Variants in CPNE8 observed in about 807,000 individuals in gnomAD.
The protein encoded by CPNE8 is copine-8.
A neutral mutation model predicts 81.5 loss-of-function variants in CPNE8; 45 were observed. The observed-to-expected ratio is 0.55, with a 90% CI of 0.44 to 0.71. The LOEUF (loss-of-function observed/expected upper bound fraction) is 0.71, where lower values mean the gene tolerates loss of function less well. CPNE8 is among the 30% of genes least tolerant of loss of function. The pLI is 0.00. For synonymous variants in CPNE8, 252 were observed against 226.3 expected, an observed-to-expected ratio of 1.11 and a Z score of -1.02; for missense variants, 594 against 672.1, an observed-to-expected ratio of 0.88 and a Z score of 1.28.
chr12:38,819,766 C>CAAAAAAA (rs71068584), intron 6 of CPNE8, among the ~76,000 whole-genome samples: 1 of 65,306 alleles, frequency 1.5e-5, no homozygotes, highest in African/African-American at 6.0e-5. Flanking sequence ...GACTCCGTCT[C>CAAAAAAA]AAAAAAAAAA....
At chr12:38,894,659 CTCT>C (rs1944361712) in intron 1 of CPNE8, among the ~76,000 whole-genome samples, 1 of 5,566 alleles carries the variant, frequency 1.8e-4, no homozygotes, top group African/African-American at 7.2e-4. Flanking sequence ...CTCCAGCTCA[CTCT>C]CTCTCTCTCT....
intron 15 of CPNE8, among the ~76,000 whole-genome samples, chr12:38,687,969 C>A (rs182535106): frequency 1.3e-5 from 2 of 152,206 alleles, no homozygotes; most frequent in Admixed American, 1.3e-4. Flanking sequence ...TTAATCTGAG[C>A]CGACCTATTT....
intron 6 of CPNE8, among the ~76,000 whole-genome samples, chr12:38,812,644 A>G (rs1191468206): frequency 2.6e-5 from 4 of 152,118 alleles, no homozygotes; most frequent in African/African-American, 4.8e-5. Context: ...ACATGGCCAA[A>G]CCATATCAGT....
At chr12:38,798,154 A>G (rs564348201) in intron 6 of CPNE8, among the ~76,000 whole-genome samples, 3 of 152,318 alleles carry the variant, frequency 2.0e-5, no homozygotes, top group East Asian at 1.9e-4. Context: ...AACTTCCCCA[A>G]TCTAGCAAGG....
intron 8 of CPNE8, among the ~76,000 whole-genome samples, chr12:38,766,643 T>C (rs922254478): frequency 6.6e-6 from 1 of 152,042 alleles, no homozygotes; most frequent in Admixed American, 6.6e-5. Flanking sequence ...TTGATACTTA[T>C]TATATAACAA....
At chr12:38,658,244 G>A (rs1202807957) in intron 19 of CPNE8, among the ~76,000 whole-genome samples, 2 of 152,124 alleles carry the variant, frequency 1.3e-5, no homozygotes, top group South Asian at 2.1e-4. Flanking sequence ...TGAGAACTAC[G>A]TGATGCATGC....
chr12:38,902,817 A>C (rs1944510081), intron 1 of CPNE8, among the ~76,000 whole-genome samples: 1 of 152,222 alleles, frequency 6.6e-6, no homozygotes, highest in Non-Finnish European at 1.5e-5. Flanking sequence ...CCAGTATTAT[A>C]ATAATAGCTA....
chr12:38,733,978 C>T (rs911690181), intron 10 of CPNE8, among the ~76,000 whole-genome samples: 4 of 151,544 alleles, frequency 2.6e-5, no homozygotes, highest in East Asian at 3.9e-4. Flanking sequence ...TACTCTACAG[C>T]TCAGCTATGA....
intron 1 of CPNE8, among the ~76,000 whole-genome samples, chr12:38,879,438 A>G (rs1375371580): frequency 6.6e-6 from 1 of 152,126 alleles, no homozygotes; most frequent in Non-Finnish European, 1.5e-5. Flanking sequence ...TAAGGAAAAA[A>G]TCCTGCAATA....
At chr12:38,872,431 G>A (rs960658798) in intron 3 of CPNE8, among the ~76,000 whole-genome samples, 1 of 152,170 alleles carries the variant, frequency 6.6e-6, no homozygotes, top group African/African-American at 2.4e-5. Context: ...ACTATAGGCA[G>A]ATGGAAATGC....
At chr12:38,673,028 C>T (rs1296010307) in intron 18 of CPNE8, among the ~76,000 whole-genome samples, 1 of 152,018 alleles carries the variant, frequency 6.6e-6, no homozygotes, top group African/African-American at 2.4e-5. Flanking sequence ...ACCTGTAATC[C>T]CCACATGTAG....
intron 10 of CPNE8, among the ~76,000 whole-genome samples, chr12:38,732,451 G>A (rs2136769077): frequency 6.6e-6 from 1 of 152,022 alleles, no homozygotes; most frequent in African/African-American, 2.4e-5. Context: ...GTTCTCTTTT[G>A]TTCTAGTTAA....
intron 18 of CPNE8, among the ~76,000 whole-genome samples, chr12:38,673,261 T>C (rs1204401811): frequency 6.6e-6 from 1 of 152,218 alleles, no homozygotes; most frequent in African/African-American, 2.4e-5. Flanking sequence ...GTGAGTCAAT[T>C]AGACCTCTTT....
At chr12:38,666,157 A>C (rs1939052723) in intron 19 of CPNE8, among the ~76,000 whole-genome samples, 1 of 152,204 alleles carries the variant, frequency 6.6e-6, no homozygotes, top group South Asian at 2.1e-4. Context: ...TGAGTATGTC[A>C]GAATCACTAC....
At chr12:38,866,554 T>G (rs959715286) in intron 3 of CPNE8, among the ~76,000 whole-genome samples, 5 of 151,820 alleles carry the variant, frequency 3.3e-5, no homozygotes, top group African/African-American at 9.7e-5. Flanking sequence ...AATGAAATAA[T>G]GTAATGAGTA....
At chr12:38,747,305 A>G (rs1396041337) in intron 10 of CPNE8, among the ~76,000 whole-genome samples, 1 of 152,076 alleles carries the variant, frequency 6.6e-6, no homozygotes, top group Admixed American at 6.6e-5. Flanking sequence ...TTACTTACTC[A>G]TCTGTGTCTC....
rs182342493 is a variant in CPNE8 at position 38,659,508 on chromosome 12, G to T, written c.1507-5438C>A. On this transcript the variant is annotated intron_variant, in intron 19 of 19. Transcript: ENST00000331366. ...CAGATCGACAAGACAGGTTAACAAG[G>T]ATATACAGGAACTGAACTCAGCTCT... 3.9e-5 allele frequency among the ~76,000 whole-genome samples: 6 copies of T among 152,206 alleles called. No individual in the cohort carries two copies. The East Asian group carries it at 9.7e-4, about 24-fold the overall frequency.
At chr12:38,745,244 A>G (rs1021411297) in intron 10 of CPNE8, among the ~76,000 whole-genome samples, 1 of 152,166 alleles carries the variant, frequency 6.6e-6, no homozygotes, top group African/African-American at 2.4e-5. Flanking sequence ...TTTGATTCCT[A>G]CACTCCTTTC....
intron 19 of CPNE8, among the ~76,000 whole-genome samples, chr12:38,664,531 A>T (rs1939025737): frequency 6.6e-6 from 1 of 152,148 alleles, no homozygotes; most frequent in South Asian, 2.1e-4. Context: ...TGAGTACAGT[A>T]TCAGTTATAC....
Sources: allele counts gnomAD v4.1 joint callset (sites outside exome capture counted in the v4.1 genomes callset), GRCh38; gene constraint gnomAD v4.1.1; transcripts MANE v1.5; gene names NCBI Gene and HGNC (gene_info 2026-07-23, HGNC 2026-07-21).